Variants in MATCAP2 observed in about 807,000 individuals in gnomAD.
MATCAP2 encodes microtubule associated tyrosine carboxypeptidase 2.
At chr7:36,356,384 G>A in the MATCAP2 span, 23 of 159,530 alleles carry the variant, frequency 1.4e-4, no homozygotes, top group Non-Finnish European at 3.2e-4. Context: ...GTATGGTGGC[G>A]GGTGCCTGTA....
At chr7:36,362,205 C>G in the MATCAP2 span, among the ~76,000 whole-genome samples, 2 of 152,146 alleles carry the variant, frequency 1.3e-5, no homozygotes, top group African/African-American at 4.8e-5. Context: ...TTTGTCTGCA[C>G]TATAACAGAT....
At chr7:36,362,533 A>G in the MATCAP2 span, among the ~76,000 whole-genome samples, 1 of 152,242 alleles carries the variant, frequency 6.6e-6, no homozygotes, top group South Asian at 2.1e-4. Flanking sequence ...CATCTAAAAT[A>G]ACACTAAATG....
the MATCAP2 span, among the ~76,000 whole-genome samples, chr7:36,365,229 C>A: frequency 6.6e-6 from 1 of 152,260 alleles, no homozygotes; most frequent in South Asian, 2.1e-4. Flanking sequence ...TGTGATTTCT[C>A]AATGAAATAA....
At chr7:36,328,812 G>A in the MATCAP2 span, among the ~76,000 whole-genome samples, 260 of 152,170 alleles carry the variant, frequency 1.7e-3, 1 homozygote, top group Non-Finnish European at 2.6e-3. Context: ...TTGGGAGGCC[G>A]AGGCAGGCGC....
chr7:36,339,991 T>A, the MATCAP2 span, among the ~76,000 whole-genome samples: 4 of 152,166 alleles, frequency 2.6e-5, no homozygotes, highest in Non-Finnish European at 5.9e-5. Context: ...GCCTCCTGAG[T>A]AGCTGGGATT....
At chr7:36,380,493 A>T in the MATCAP2 span, among the ~76,000 whole-genome samples, 18 of 152,200 alleles carry the variant, frequency 1.2e-4, no homozygotes, top group Non-Finnish European at 2.4e-4. Flanking sequence ...ACAGTTAGAG[A>T]TTAGCAAGTT....
chr7:36,378,899 G>T, the MATCAP2 span, among the ~76,000 whole-genome samples: 2 of 152,248 alleles, frequency 1.3e-5, no homozygotes, highest in African/African-American at 4.8e-5. Context: ...CATGGGACCT[G>T]CTGAGCCAGG....
At chr7:36,333,827 C>G in the MATCAP2 span, 1 of 1,531,730 alleles carries the variant, frequency 6.5e-7, no homozygotes, top group Admixed American at 2.0e-5. Context: ...GTCAGTAAGT[C>G]AGAAAACCTA....
chr7:36,351,889 T>A, the MATCAP2 span, among the ~76,000 whole-genome samples: 1 of 142,316 alleles, frequency 7.0e-6, no homozygotes, highest in African/African-American at 2.6e-5. Context: ...AAGGCTGCAG[T>A]GAGCCATGTT....
At chr7:36,374,515 A>G in the MATCAP2 span, among the ~76,000 whole-genome samples, 1 of 152,066 alleles carries the variant, frequency 6.6e-6, no homozygotes, top group Non-Finnish European at 1.5e-5. Flanking sequence ...AACCCCTAAG[A>G]CTTCTTTCTT....
the MATCAP2 span, among the ~76,000 whole-genome samples, chr7:36,355,027 G>A: frequency 6.6e-6 from 1 of 152,246 alleles, no homozygotes; most frequent in Non-Finnish European, 1.5e-5. Flanking sequence ...CCAAATTAAG[G>A]AATACTGGTA....
chr7:36,333,259 C>CA, the MATCAP2 span, among the ~76,000 whole-genome samples: 115 of 152,160 alleles, frequency 7.6e-4, no homozygotes, highest in African/African-American at 2.6e-3. Flanking sequence ...AAGCCCACCA[C>CA]AAAAAATCAC....
At chr7:36,336,959 G>C in the MATCAP2 span, among the ~76,000 whole-genome samples, 3 of 151,260 alleles carry the variant, frequency 2.0e-5, no homozygotes, top group East Asian at 5.8e-4. Context: ...AGCCAGACAT[G>C]GTGGCACATG....
At chr7:36,388,165 T>C in the MATCAP2 span, among the ~76,000 whole-genome samples, 1 of 152,156 alleles carries the variant, frequency 6.6e-6, no homozygotes, top group African/African-American at 2.4e-5. Context: ...ACAGGCTAAA[T>C]CAGAAGTTCT....
the MATCAP2 span, among the ~76,000 whole-genome samples, chr7:36,366,120 ACT>A: frequency 6.6e-6 from 1 of 152,214 alleles, no homozygotes. Context: ...TTATTTTGGC[ACT>A]AGTTTGAGGA....
At chr7:36,380,929 C>T in the MATCAP2 span, among the ~76,000 whole-genome samples, 1 of 152,192 alleles carries the variant, frequency 6.6e-6, no homozygotes, top group Non-Finnish European at 1.5e-5. Flanking sequence ...TGGGGTTTCA[C>T]CATGTTGGCC....
chr7:36,373,101 T>C, the MATCAP2 span, among the ~76,000 whole-genome samples: 15 of 53,078 alleles, frequency 2.8e-4, no homozygotes, highest in Middle Eastern at 0.011. Context: ...CAAGACTTCA[T>C]CTAAAAAAAA....
At chr7:36,381,700 G>A in the MATCAP2 span, among the ~76,000 whole-genome samples, 1 of 150,928 alleles carries the variant, frequency 6.6e-6, no homozygotes, top group African/African-American at 2.4e-5. Context: ...GAAGGAGATT[G>A]TGGTCCCGGA....
chr7:36,372,672 T>C, the MATCAP2 span, among the ~76,000 whole-genome samples: 1 of 152,330 alleles, frequency 6.6e-6, no homozygotes, highest in Middle Eastern at 3.4e-3. Context: ...CTCTTTATTA[T>C]ATTTTGGAGA....
Sources: allele counts gnomAD v4.1 joint callset (sites outside exome capture counted in the v4.1 genomes callset), GRCh38; gene constraint gnomAD v4.1.1; transcripts MANE v1.5; gene names NCBI Gene and HGNC (gene_info 2026-07-23, HGNC 2026-07-21).